EFNA5: variants seen among roughly 807,000 people sequenced by gnomAD.
EFNA5 encodes the protein ephrin A5.
EFNA5 carries 5 observed loss-of-function variants against 22.9 expected under a neutral mutation model. The ratio of observed to expected loss-of-function variants is 0.22; its 90% CI spans 0.11 to 0.46. The LOEUF (loss-of-function observed/expected upper bound fraction) is 0.46. Ranked by LOEUF, EFNA5 falls within the 20% of genes least tolerant of loss-of-function variation. The pLI is 0.99. For synonymous variants in EFNA5, 113 were observed against 112.2 expected (o/e 1.01, Z -0.04); for missense variants, 237 against 293.3 (o/e 0.81, Z 1.40).
intron 2 of EFNA5, among the ~76,000 whole-genome samples, chr5:107,391,450 G>C (rs1419477229): frequency 6.6e-6 from 1 of 152,092 alleles, no homozygotes; most frequent in Non-Finnish European, 1.5e-5. Flanking sequence ...TGGGACAGAA[G>C]ACATTTTATC....
chr5:107,586,268 C>T (rs562921248), intron 1 of EFNA5, among the ~76,000 whole-genome samples: 3 of 151,998 alleles, frequency 2.0e-5, no homozygotes, highest in South Asian at 4.2e-4. Flanking sequence ...TTAAAGATAC[C>T]GCATATCTAG....
intron 1 of EFNA5, among the ~76,000 whole-genome samples, chr5:107,641,962 T>TTTCCCCAGTCAA (rs1226372854): frequency 6.6e-6 from 1 of 152,154 alleles, no homozygotes; most frequent in Non-Finnish European, 1.5e-5. Context: ...ATACTCTCGT[T>TTTCCCCAGTCAA]TTCCCCAGTC....
At chr5:107,667,789 C>T (rs1326243847) in intron 1 of EFNA5, among the ~76,000 whole-genome samples, 1 of 152,002 alleles carries the variant, frequency 6.6e-6, no homozygotes, top group Non-Finnish European at 1.5e-5. Flanking sequence ...TATATAAAGA[C>T]ACAAAGCATG....
intron 1 of EFNA5, among the ~76,000 whole-genome samples, chr5:107,630,231 T>C (rs1750221041): frequency 6.6e-6 from 1 of 152,132 alleles, no homozygotes. Flanking sequence ...TAATAAAAAA[T>C]CATGTGTCAT....
At position 107,613,157 on chromosome 5, in the gene EFNA5, C is replaced by G. The variant is rs113149596; in HGVS notation, c.125+57332G>C. On this transcript the variant is annotated intron_variant, in intron 1 of 4. Transcript: ENST00000333274. ...CTGTGATTTTGTACATTTTATTAAC[C>G]AAGCAACATAAACTTGAATTATATC... 5.9e-3 allele frequency among the ~76,000 whole-genome samples: 891 copies of G among 151,830 alleles called. 8 individuals are homozygous for G. The highest frequency in any genetic ancestry group is 0.021 in the African/African-American group (852 of 41,450).
chr5:107,418,471 C>T (rs1189976771), intron 2 of EFNA5, among the ~76,000 whole-genome samples: 1 of 152,146 alleles, frequency 6.6e-6, no homozygotes, highest in African/African-American at 2.4e-5. Flanking sequence ...AAAGAACAAT[C>T]CTTTAATTTG....
intron 1 of EFNA5, among the ~76,000 whole-genome samples, chr5:107,530,816 T>C (rs1747794920): frequency 6.6e-6 from 1 of 152,060 alleles, no homozygotes; most frequent in African/African-American, 2.4e-5. Context: ...AAATAATGGG[T>C]GATACTGTTT....
intron 1 of EFNA5, among the ~76,000 whole-genome samples, chr5:107,526,723 G>T (rs1167437397): frequency 1.3e-5 from 2 of 152,170 alleles, no homozygotes; most frequent in Non-Finnish European, 2.9e-5. Flanking sequence ...GTTATCCCTA[G>T]GAGATCAGAA....
intron 1 of EFNA5, among the ~76,000 whole-genome samples, chr5:107,531,963 G>A (rs1747819773): frequency 6.6e-6 from 1 of 152,154 alleles, no homozygotes; most frequent in Non-Finnish European, 1.5e-5. Context: ...GGTAAAGTAG[G>A]TGGCTAGGTC....
chr5:107,498,994 G>GTATGTATGTATGTA (rs1305620427), intron 1 of EFNA5, among the ~76,000 whole-genome samples: 6 of 41,298 alleles, frequency 1.5e-4, no homozygotes, highest in Admixed American at 2.7e-4. Flanking sequence ...GTATGTATGT[G>GTATGTATGTATGTA]TATCAGCCAA....
chr5:107,629,785 G>A (rs942268512), intron 1 of EFNA5, among the ~76,000 whole-genome samples: 1 of 152,304 alleles, frequency 6.6e-6, no homozygotes, highest in Non-Finnish European at 1.5e-5. Context: ...GGCTAGGCAT[G>A]GTGGCTCATG....
intron 1 of EFNA5, among the ~76,000 whole-genome samples, chr5:107,645,622 GGC>G (rs1750619500): frequency 6.6e-6 from 1 of 152,042 alleles, no homozygotes; most frequent in Non-Finnish European, 1.5e-5. Flanking sequence ...AGAAAGATTG[GGC>G]AGGGGTAGTT....
At chr5:107,494,322 G>C (rs981025047) in intron 1 of EFNA5, among the ~76,000 whole-genome samples, 2 of 152,216 alleles carry the variant, frequency 1.3e-5, no homozygotes, top group Admixed American at 1.3e-4. Flanking sequence ...CGTGGGCTTG[G>C]CGGGCCCTGC....
chr5:107,437,968 CTT>C (rs1250624150), intron 1 of EFNA5, among the ~76,000 whole-genome samples: 1 of 152,192 alleles, frequency 6.6e-6, no homozygotes, highest in Non-Finnish European at 1.5e-5. Flanking sequence ...AAGTTTCTCT[CTT>C]GTCATTAAGT....
intron 1 of EFNA5, among the ~76,000 whole-genome samples, chr5:107,450,458 C>T (rs1367786448): frequency 1.3e-5 from 2 of 152,200 alleles, no homozygotes; most frequent in African/African-American, 4.8e-5. Flanking sequence ...ATATTTTCTC[C>T]TCCTAGTGTC....
chr5:107,459,012 AC>A (rs1278394919), intron 1 of EFNA5, among the ~76,000 whole-genome samples: 2 of 152,260 alleles, frequency 1.3e-5, no homozygotes, highest in East Asian at 3.9e-4. Flanking sequence ...TTTTCCATAA[AC>A]GTATACCTGA....
At chr5:107,455,700 T>A (rs1035966786) in intron 1 of EFNA5, among the ~76,000 whole-genome samples, 1 of 152,312 alleles carries the variant, frequency 6.6e-6, no homozygotes, top group Middle Eastern at 3.4e-3. Flanking sequence ...TCTTATTTCA[T>A]CTCCTTAGGA....
Position 107,415,525 on chromosome 5 carries a change from G to A in EFNA5, c.418+11692C>T, listed in dbSNP as rs148517388. Among the ~76,000 whole-genome samples, 627 of 152,206 alleles carry A rather than the reference G, an allele frequency of 4.1e-3. 2 individuals carry two copies. Among genetic ancestry groups the A allele is most frequent in the Non-Finnish European group, 6.5e-3 (439 of 68,014 alleles). On this transcript the variant is annotated intron_variant, in intron 2 of 4. Transcript: ENST00000333274. ...GAGGCCAGTAAGAGAAGAAATCCAC[G>A]TGAGCGGTGTGAAGCTTGTTTTTTG...
At chr5:107,473,659 A>T (rs7719424) in intron 1 of EFNA5, among the ~76,000 whole-genome samples, 2 of 140,920 alleles carry the variant, frequency 1.4e-5, no homozygotes, top group Non-Finnish European at 3.1e-5. Flanking sequence ...TTTCACTTGA[A>T]TTTTTTTTTT....
Sources: gnomAD v4.1 joint callset for allele counts (sites outside exome capture counted in the v4.1 genomes callset) on GRCh38, gnomAD v4.1.1 for gene constraint, MANE v1.5 for transcripts, NCBI Gene and HGNC (gene_info 2026-07-23, HGNC 2026-07-21) for gene names.